Variants in TENM2 observed in about 807,000 individuals in gnomAD.
TENM2 encodes teneurin transmembrane protein 2.
Under a neutral mutation model 245.2 loss-of-function variants are expected in TENM2, and 52 were observed. The ratio of observed to expected loss-of-function variants is 0.21; its 90% confidence interval spans 0.17 to 0.27. The LOEUF is 0.27. Among genes scored for constraint, TENM2 ranks in the 10% least tolerant of loss-of-function variants. The pLI, the probability that TENM2 is intolerant of heterozygous loss-of-function variation, is 1.00. For synonymous variants in TENM2, 1,363 were observed against 1,438.9 expected, an observed-to-expected ratio of 0.95 and a Z score of 1.19; for missense variants, 3,046 against 3,666.8, an observed-to-expected ratio of 0.83 and a Z score of 4.37.
At chr5:167,255,073 C>CTTTTT in the TENM2 span, among the ~76,000 whole-genome samples, 42 of 125,386 alleles carry the variant, frequency 3.3e-4, no homozygotes, top group Middle Eastern at 4.2e-3. Context: ...CTTTTCTTTT[C>CTTTTT]TTTTTTTTTT....
intron 2 of TENM2, among the ~76,000 whole-genome samples, chr5:167,527,512 A>C (rs913133576): frequency 7.2e-5 from 11 of 152,080 alleles, no homozygotes; most frequent in African/African-American, 2.7e-4. Flanking sequence ...AGATTGCCCT[A>C]GCCCTTGTCC....
At chr5:167,301,436 G>A (rs1222237004) in intron 1 of TENM2, among the ~76,000 whole-genome samples, 1 of 152,174 alleles carries the variant, frequency 6.6e-6, no homozygotes, top group African/African-American at 2.4e-5. Context: ...TGGAGATGTG[G>A]CTGGGGTTTG....
intron 2 of TENM2, among the ~76,000 whole-genome samples, chr5:167,403,925 T>C (rs1442051970): frequency 6.6e-6 from 1 of 151,902 alleles, no homozygotes; most frequent in Non-Finnish European, 1.5e-5. Context: ...TTAAGTAATT[T>C]TTTCTTATCA....
At chr5:167,429,607 C>CTTTT (rs10587909) in intron 2 of TENM2, among the ~76,000 whole-genome samples, 17 of 78,732 alleles carry the variant, frequency 2.2e-4, no homozygotes, top group East Asian at 5.9e-4. Flanking sequence ...CTCTCTCTCT[C>CTTTT]TTTTTTTTTT....
the TENM2 span, among the ~76,000 whole-genome samples, chr5:167,190,829 G>A: frequency 2.0e-5 from 3 of 151,954 alleles, no homozygotes; most frequent in Non-Finnish European, 4.4e-5. Flanking sequence ...CGAAACAGGT[G>A]GACAACCTAT....
chr5:167,394,724 T>TAA (rs1383077553), intron 2 of TENM2, among the ~76,000 whole-genome samples: 1 of 152,066 alleles, frequency 6.6e-6, no homozygotes, highest in African/African-American at 2.4e-5. Context: ...ATCTCCCGAA[T>TAA]AGCTGGAACT....
chr5:167,522,348 A>T (rs1770816325), intron 2 of TENM2, among the ~76,000 whole-genome samples: 1 of 152,108 alleles, frequency 6.6e-6, no homozygotes, highest in Admixed American at 6.6e-5. Context: ...TATTTCAATC[A>T]TCAAAGAAGT....
chr5:167,816,799 T>C (rs1767091914), intron 2 of TENM2, among the ~76,000 whole-genome samples: 1 of 152,034 alleles, frequency 6.6e-6, no homozygotes, highest in Non-Finnish European at 1.5e-5. Context: ...AAAGTACAAA[T>C]GGCCCAGCAA....
intron 5 of TENM2, among the ~76,000 whole-genome samples, chr5:168,041,935 G>T (rs1216359200): frequency 6.6e-6 from 1 of 152,224 alleles, no homozygotes; most frequent in African/African-American, 2.4e-5. Flanking sequence ...TTTGCAGGTT[G>T]CCTATGCAAG....
At chr5:167,292,718 C>G (rs1057129418) in intron 1 of TENM2, among the ~76,000 whole-genome samples, 54 of 152,162 alleles carry the variant, frequency 3.5e-4, no homozygotes, top group African/African-American at 1.3e-3. Context: ...CCTCACAGAA[C>G]CTGGCAGTTT....
Position 168,098,169 on chromosome 5 carries a change from C to T in TENM2, c.1813+42C>T, listed in dbSNP as rs754951027. 3 of 1,410,554 alleles carry T rather than the reference C, an allele frequency of 2.1e-6. No individual in the cohort carries two copies. The South Asian group carries it at 3.5e-5, about 17-fold the overall frequency. The allele number at this position is 1,410,554 out of a possible 1,614,324, so 87.4% of individuals were successfully genotyped here. On this transcript the variant is annotated intron_variant, in intron 9 of 28. Coordinates refer to ENST00000518659, the Ensembl canonical transcript of TENM2. Reference sequence around the variant, plus strand: ...CCCTGCTATGGTTGGAAAACAGACCCTCCCTAGGCTTCTCTGAGCGGGTAA... The same window carrying T: ...CCCTGCTATGGTTGGAAAACAGACCTTCCCTAGGCTTCTCTGAGCGGGTAA...
At chr5:167,305,189 G>A (rs1755599581) in intron 1 of TENM2, among the ~76,000 whole-genome samples, 1 of 152,160 alleles carries the variant, frequency 6.6e-6, no homozygotes, top group African/African-American at 2.4e-5. Flanking sequence ...AGGTTTGCCT[G>A]AATCTCCCAC....
chr5:168,030,815 A>G (rs1787076604), intron 5 of TENM2, among the ~76,000 whole-genome samples: 1 of 152,180 alleles, frequency 6.6e-6, no homozygotes, highest in Non-Finnish European at 1.5e-5. Flanking sequence ...TACTATTGCC[A>G]TCTAATGTGT....
At chr5:167,385,638 C>A (rs2127348597) in intron 2 of TENM2, among the ~76,000 whole-genome samples, 1 of 151,880 alleles carries the variant, frequency 6.6e-6, no homozygotes, top group African/African-American at 2.4e-5. Context: ...CTATTTGTAG[C>A]ATTTTATCCC....
At chr5:167,321,797 T>TTTTTTTTTTG (rs1756746168) in intron 1 of TENM2, among the ~76,000 whole-genome samples, 1 of 25,174 alleles carries the variant, frequency 4.0e-5, no homozygotes, top group East Asian at 1.4e-3. Context: ...TTTTTTTTTT[T>TTTTTTTTTTG]TTTTGGGGGG....
intron 2 of TENM2, among the ~76,000 whole-genome samples, chr5:167,398,382 CTTTCTTTCTTTCTTT>C (rs1561923380): frequency 1.6e-3 from 37 of 22,966 alleles, no homozygotes; most frequent in Admixed American, 0.014. Context: ...TTCTTCCTTT[CTTTCTTTCTTTCTTT>C]CTTTCTTTCT....
intron 12 of TENM2, among the ~76,000 whole-genome samples, chr5:168,158,922 CAT>C (rs1057478376): frequency 2.9e-5 from 4 of 140,248 alleles, no homozygotes; most frequent in African/African-American, 7.9e-5. Context: ...TATATATACA[CAT>C]ATATATGTAT....
At chr5:167,916,715 G>A (rs1467746722) in intron 3 of TENM2, among the ~76,000 whole-genome samples, 5 of 152,038 alleles carry the variant, frequency 3.3e-5, no homozygotes, top group African/African-American at 9.7e-5. Flanking sequence ...AGGAAGGGAG[G>A]GAGGCCCCAG....
intron 2 of TENM2, among the ~76,000 whole-genome samples, chr5:167,743,425 A>G (rs531989731): frequency 3.3e-5 from 5 of 152,332 alleles, no homozygotes; most frequent in Non-Finnish European, 7.3e-5. Flanking sequence ...ACTGCGTTGC[A>G]AAGAGGCCAC....
Sources: allele counts gnomAD v4.1 joint callset (sites outside exome capture counted in the v4.1 genomes callset), GRCh38; gene constraint gnomAD v4.1.1; transcripts MANE v1.5; gene names NCBI Gene and HGNC (gene_info 2026-07-23, HGNC 2026-07-21).